The following ZNF385D variants were observed in gnomAD, a reference collection of about 807,000 sequenced individuals.
ZNF385D encodes zinc finger protein 385D.
Under a neutral mutation model 35.8 loss-of-function variants are expected in ZNF385D, and 15 were observed. The observed-to-expected ratio is 0.42, with a 90% CI of 0.28 to 0.64. ZNF385D has a LOEUF of 0.64. ZNF385D is among the 30% of genes least tolerant of loss of function. The pLI, the probability that ZNF385D is intolerant of heterozygous loss-of-function variation, is 0.23. For synonymous variants in ZNF385D, 212 were observed against 186.8 expected (o/e 1.13, Z -1.10); for missense variants, 474 against 494.6 (o/e 0.96, Z 0.39).
chr3:21,674,915 GATGGATGGATGGATGGATGC>G (rs894922614), intron 1 of ZNF385D, among the ~76,000 whole-genome samples: 3 of 150,682 alleles, frequency 2.0e-5, no homozygotes, highest in Admixed American at 6.7e-5. Context: ...TGGATGGATG[GATGGATGGATGGATGGATGC>G]ATGGATGGAT....
At chr3:21,737,928 C>A (rs2125512033) in intron 1 of ZNF385D, among the ~76,000 whole-genome samples, 1 of 152,316 alleles carries the variant, frequency 6.6e-6, no homozygotes, top group Middle Eastern at 3.4e-3. Flanking sequence ...TCACAGCACT[C>A]ACGTAAAGAT....
chr3:21,424,813 A>C (rs879336557), intron 6 of ZNF385D, among the ~76,000 whole-genome samples: 1 of 151,932 alleles, frequency 6.6e-6, no homozygotes, highest in South Asian at 2.1e-4. Flanking sequence ...TTATCCTCAC[A>C]TTTGTACAGT....
Position 22,001,850 on chromosome 3 carries a change from T to G in ZNF385D, c.325+166967A>C, listed in dbSNP as rs137888615. On this transcript the variant is annotated intron_variant, in intron 3 of 5. Coordinates refer to the ZNF385D transcript ENST00000494108. Reference sequence around the variant, plus strand: ...ATTAAACATATTCCTGAATGACTACTGTATCAAAAAAGAAATTTTTAAAAA... The same window carrying G: ...ATTAAACATATTCCTGAATGACTACGGTATCAAAAAAGAAATTTTTAAAAA... Among the ~76,000 whole-genome samples, 47 of 152,064 alleles carry G rather than the reference T, an allele frequency of 3.1e-4. No homozygotes were observed. In the East Asian group the frequency reaches 4.4e-3, roughly 14 times the overall value.
intron 3 of ZNF385D, among the ~76,000 whole-genome samples, chr3:21,993,814 A>G (rs989411884): frequency 7.2e-5 from 11 of 152,122 alleles, no homozygotes; most frequent in Non-Finnish European, 1.6e-4. Flanking sequence ...GTCCTTACTC[A>G]TACATAATGT....
At chr3:22,165,217 G>A (rs1038741790) in intron 3 of ZNF385D, among the ~76,000 whole-genome samples, 2 of 152,206 alleles carry the variant, frequency 1.3e-5, no homozygotes, top group African/African-American at 2.4e-5. Flanking sequence ...GCACTGTTGT[G>A]CATGGTGTTG....
chr3:22,344,747 T>C (rs768305470), intron 2 of ZNF385D, among the ~76,000 whole-genome samples: 3 of 152,182 alleles, frequency 2.0e-5, no homozygotes, highest in Non-Finnish European at 2.9e-5. Context: ...AGTAACATTT[T>C]AGACTTCTTG....
chr3:21,679,630 T>C (rs968450586), intron 1 of ZNF385D, among the ~76,000 whole-genome samples: 5 of 152,044 alleles, frequency 3.3e-5, no homozygotes, highest in Non-Finnish European at 7.4e-5. Flanking sequence ...GTTTTCAATG[T>C]GCTCATTGTG....
chr3:21,757,123 T>TTTTTTTTTTTTTTG (rs2070375667), intron 3 of ZNF385D, among the ~76,000 whole-genome samples: 8 of 94,324 alleles, frequency 8.5e-5, no homozygotes, highest in African/African-American at 3.6e-4. Flanking sequence ...AATTTCTCTT[T>TTTTTTTTTTTTTTG]TTTTTTTTTT....
intron 4 of ZNF385D, among the ~76,000 whole-genome samples, chr3:21,488,831 C>G (rs76606459): frequency 0.022 from 3,414 of 152,174 alleles, 62 homozygotes; most frequent in Non-Finnish European, 0.035. Context: ...AGTTTCAGCT[C>G]TCTGGAAGGA....
intron 3 of ZNF385D, among the ~76,000 whole-genome samples, chr3:22,130,487 G>A (rs934881801): frequency 6.6e-6 from 1 of 152,142 alleles, no homozygotes; most frequent in Non-Finnish European, 1.5e-5. Context: ...AACTGGGACG[G>A]ATGATTTCCC....
intron 5 of ZNF385D, among the ~76,000 whole-genome samples, chr3:21,426,612 T>C (rs180821772): frequency 6.6e-6 from 1 of 152,306 alleles, no homozygotes; most frequent in African/African-American, 2.4e-5. Context: ...TCATTTGTGT[T>C]CTTTCTGCCA....
chr3:22,359,179 C>T (rs1418032896), intron 2 of ZNF385D, among the ~76,000 whole-genome samples: 1 of 151,310 alleles, frequency 6.6e-6, no homozygotes, highest in Non-Finnish European at 1.5e-5. Context: ...TGTTGAATAA[C>T]ATCTCAGTGG....
chr3:22,237,384 T>A (rs1477265062), intron 2 of ZNF385D, among the ~76,000 whole-genome samples: 2 of 152,194 alleles, frequency 1.3e-5, no homozygotes, highest in African/African-American at 4.8e-5. Context: ...TATTGGGTTG[T>A]GTTATTTTTA....
chr3:22,348,070 A>G (rs1255191030), intron 2 of ZNF385D, among the ~76,000 whole-genome samples: 1 of 152,178 alleles, frequency 6.6e-6, no homozygotes, highest in Non-Finnish European at 1.5e-5. Context: ...AATATAAATA[A>G]TAACATACAT....
chr3:21,770,126 T>C (rs1333824120), intron 3 of ZNF385D, among the ~76,000 whole-genome samples: 2 of 152,248 alleles, frequency 1.3e-5, no homozygotes, highest in Admixed American at 6.5e-5. Context: ...CCTAAAACCA[T>C]ACAAACCCTA....
At chr3:21,537,155 T>C (rs2062054981) in intron 3 of ZNF385D, among the ~76,000 whole-genome samples, 1 of 126,976 alleles carries the variant, frequency 7.9e-6, no homozygotes, top group Non-Finnish European at 1.6e-5. Context: ...TTTTATGAGA[T>C]GGAGTCTCGC....
chr3:22,288,897 A>C (rs527882205), intron 2 of ZNF385D, among the ~76,000 whole-genome samples: 9 of 152,242 alleles, frequency 5.9e-5, no homozygotes, highest in African/African-American at 1.9e-4. Context: ...GAGATCCTAA[A>C]GTGCCTCTCA....
chr3:21,996,957 A>T (rs1695501532), intron 3 of ZNF385D, among the ~76,000 whole-genome samples: 1 of 152,208 alleles, frequency 6.6e-6, no homozygotes, highest in Non-Finnish European at 1.5e-5. Context: ...CGACAAATAT[A>T]AATATAAACC....
intron 3 of ZNF385D, among the ~76,000 whole-genome samples, chr3:21,810,987 TG>T: frequency 9.8e-6 from 1 of 101,716 alleles, no homozygotes; most frequent in East Asian, 2.4e-4. Flanking sequence ...TGTGTGTGTG[TG>T]TGTGTGTGTG....
Sources: allele counts gnomAD v4.1 joint callset (sites outside exome capture counted in the v4.1 genomes callset), GRCh38; gene constraint gnomAD v4.1.1; transcripts MANE v1.5; gene names NCBI Gene and HGNC (gene_info 2026-07-23, HGNC 2026-07-21).